Variants in ZNF521 observed in about 807,000 individuals in gnomAD.
ZNF521 encodes the protein LYST-interacting protein 3.
In ZNF521, 14 loss-of-function variants were observed where a neutral mutation model predicts 105.5. The observed-to-expected ratio is 0.13, with a 90% CI of 0.09 to 0.21. The LOEUF (loss-of-function observed/expected upper bound fraction) is 0.21, where lower values mean the gene tolerates loss of function less well. ZNF521 is among the 10% of genes least tolerant of loss of function. ZNF521 has a pLI of 1.00. For synonymous variants in ZNF521, 635 were observed against 606.0 expected, an observed-to-expected ratio of 1.05 and a Z score of -0.70; for missense variants, 1,233 against 1,629.7, an observed-to-expected ratio of 0.76 and a Z score of 4.19.
At chr18:25,075,633 C>T (rs1365560386) in intron 7 of ZNF521, among the ~76,000 whole-genome samples, 1 of 152,200 alleles carries the variant, frequency 6.6e-6, no homozygotes, top group Non-Finnish European at 1.5e-5. Flanking sequence ...ATTACAGTTC[C>T]CATTTACTTG....
At chr18:25,302,321 C>T (rs1277270322) in intron 3 of ZNF521, 2 of 152,212 alleles carry the variant, frequency 1.3e-5, no homozygotes, top group African/African-American at 4.8e-5. Context: ...ACAGCCCTTA[C>T]CTAGGCACAC....
At chr18:25,343,228 A>G (rs560175371) in intron 2 of ZNF521, among the ~76,000 whole-genome samples, 1 of 152,338 alleles carries the variant, frequency 6.6e-6, no homozygotes, top group Non-Finnish European at 1.5e-5. Context: ...CAATCATAAG[A>G]TGGAAAGAGA....
Position 25,316,818 on chromosome 18 carries a change from A to C in ZNF521, c.220+5190T>G, listed in dbSNP as rs941339672. On this transcript the variant is annotated intron_variant, in intron 3 of 7. Transcript: ENST00000361524. ...AGACCCATCAGATAACTCTCTCTGGACATGTGCTTCAACAAGTGGCAAGTA... is the reference window on the plus strand; with the variant it reads ...AGACCCATCAGATAACTCTCTCTGGCCATGTGCTTCAACAAGTGGCAAGTA... Among the ~76,000 whole-genome samples, 12 of 151,174 alleles carry C rather than the reference A, an allele frequency of 7.9e-5. 1 individual carries two copies. The highest frequency in any genetic ancestry group is 2.6e-4 in the Admixed American group (4 of 15,166).
At chr18:25,282,219 A>G (rs963831606) in intron 3 of ZNF521, among the ~76,000 whole-genome samples, 2 of 152,190 alleles carry the variant, frequency 1.3e-5, no homozygotes, top group Non-Finnish European at 2.9e-5. Flanking sequence ...ATTTCTTCCA[A>G]AACATCCCAA....
At chr18:25,211,089 A>G (rs974068559) in intron 4 of ZNF521, among the ~76,000 whole-genome samples, 10 of 152,360 alleles carry the variant, frequency 6.6e-5, no homozygotes, top group African/African-American at 2.4e-4. Flanking sequence ...ATACATGGAT[A>G]CTGCTCTAAT....
At chr18:25,109,348 A>G (rs1054987844) in intron 5 of ZNF521, among the ~76,000 whole-genome samples, 1 of 152,164 alleles carries the variant, frequency 6.6e-6, no homozygotes, top group Non-Finnish European at 1.5e-5. Flanking sequence ...TCTTTATCCA[A>G]TCATCCATTG....
intron 3 of ZNF521, among the ~76,000 whole-genome samples, chr18:25,261,358 T>A (rs1340594968): frequency 6.6e-6 from 1 of 152,154 alleles, no homozygotes; most frequent in Non-Finnish European, 1.5e-5. Context: ...CCCTCTGTGG[T>A]CAACGAGACT....
At chr18:25,238,316 T>C (rs1907065631) in intron 3 of ZNF521, among the ~76,000 whole-genome samples, 1 of 152,226 alleles carries the variant, frequency 6.6e-6, no homozygotes, top group Admixed American at 6.5e-5. Flanking sequence ...TATTCACACA[T>C]ATACAGAAGA....
chr18:25,203,992 G>A (rs1374007909), intron 4 of ZNF521, among the ~76,000 whole-genome samples: 2 of 151,938 alleles, frequency 1.3e-5, no homozygotes, highest in Admixed American at 6.6e-5. Context: ...ACTTAAAAGT[G>A]TGTGGCACCT....
At chr18:25,280,025 C>T (rs1329640887) in intron 3 of ZNF521, among the ~76,000 whole-genome samples, 1 of 152,146 alleles carries the variant, frequency 6.6e-6, no homozygotes, top group African/African-American at 2.4e-5. Context: ...AAAAAAATGT[C>T]CCTGGCACTA....
chr18:25,261,286 A>G (rs1264077250), intron 3 of ZNF521, among the ~76,000 whole-genome samples: 1 of 152,122 alleles, frequency 6.6e-6, no homozygotes, highest in Non-Finnish European at 1.5e-5. Flanking sequence ...ATGACCTTTA[A>G]AACTCAGTGC....
chr18:25,298,082 C>A (rs1911425865), intron 3 of ZNF521, among the ~76,000 whole-genome samples: 1 of 152,142 alleles, frequency 6.6e-6, no homozygotes, highest in South Asian at 2.1e-4. Context: ...TATATAGATT[C>A]TTTTCATTAT....
chr18:25,108,866 C>T (rs1362447288), intron 5 of ZNF521, among the ~76,000 whole-genome samples: 3 of 152,152 alleles, frequency 2.0e-5, no homozygotes, highest in African/African-American at 7.2e-5. Flanking sequence ...CTCAAGTGAT[C>T]CACCCACCTC....
At chr18:25,234,467 T>A (rs970232470) in intron 3 of ZNF521, among the ~76,000 whole-genome samples, 2 of 152,234 alleles carry the variant, frequency 1.3e-5, no homozygotes, top group Non-Finnish European at 2.9e-5. Context: ...TCAACTTTTA[T>A]TAAGCACCTA....
rs138526016 is a variant in ZNF521, at chr18:25,121,067, T to C, written c.3659-28986A>G. On this transcript the variant is annotated intron_variant, in intron 5 of 7. Transcript: ENST00000361524. ...AACAAAAAAATAATACTGAATTTGT[T>C]TTTCCTTAACCCCTAAAAAATAGAG... 2.1e-3 allele frequency among the ~76,000 whole-genome samples: 321 copies of C among 152,072 alleles called. 2 individuals carry two copies. The highest frequency in any genetic ancestry group is 7.3e-3 in the African/African-American group (301 of 41,498).
chr18:25,116,973 GTATA>G (rs35891668), intron 5 of ZNF521, among the ~76,000 whole-genome samples: 22 of 130,886 alleles, frequency 1.7e-4, no homozygotes, highest in African/African-American at 5.9e-4. Context: ...GTATATATAT[GTATA>G]TATATATACA....
chr18:25,258,917 A>T (rs1016002383), intron 3 of ZNF521, among the ~76,000 whole-genome samples: 3 of 152,208 alleles, frequency 2.0e-5, no homozygotes, highest in Admixed American at 2.0e-4. Flanking sequence ...GCTATCATCT[A>T]TTGAGTAATG....
chr18:25,259,969 C>G (rs750521440), intron 3 of ZNF521, among the ~76,000 whole-genome samples: 3 of 152,116 alleles, frequency 2.0e-5, no homozygotes, highest in Admixed American at 2.0e-4. Context: ...AGTGGGGCTA[C>G]CAGAGCAAAC....
At chr18:25,097,895 A>G (rs1281144071) in intron 5 of ZNF521, among the ~76,000 whole-genome samples, 1 of 152,054 alleles carries the variant, frequency 6.6e-6, no homozygotes, top group African/African-American at 2.4e-5. Flanking sequence ...CCTGCCTTGA[A>G]CTTCTCATTA....
Sources: allele counts gnomAD v4.1 joint callset (sites outside exome capture counted in the v4.1 genomes callset), GRCh38; gene constraint gnomAD v4.1.1; transcripts MANE v1.5; gene names NCBI Gene and HGNC (gene_info 2026-07-23, HGNC 2026-07-21).